Variants in TRIP10 observed in about 807,000 individuals in gnomAD.
TRIP10 encodes the protein thyroid hormone receptor interactor 10, also known as cdc42-interacting protein 4.
In TRIP10, 54 loss-of-function variants were observed where a neutral mutation model predicts 80.9. The observed-to-expected ratio is 0.67, with a 90% CI of 0.54 to 0.84. The LOEUF (loss-of-function observed/expected upper bound fraction) is 0.84. Among genes scored for constraint, TRIP10 ranks in the 40% least tolerant of loss-of-function variants. The pLI is 0.00. For missense variants in TRIP10, 773 were observed against 815.3 expected, an observed-to-expected ratio of 0.95 and a Z score of 0.63; for synonymous variants, 321 against 307.2, an observed-to-expected ratio of 1.04 and a Z score of -0.47.
rs1056253911 is a variant in TRIP10, at chr19:6,743,606, T to A, written c.513+8T>A. The stretch of plus-strand genomic sequence containing the variant: ...AAGGCTGATGTGGAGAAGGTGTGTG[T>A]GGCGGGGGCGGGGGGGGGGTGCGGG... On this transcript the variant is annotated splice_region_variant and intron_variant, in intron 6 of 14. Transcript: ENST00000313244. 4 of 372,480 alleles carry A rather than the reference T, an allele frequency of 1.1e-5. No individual in the cohort carries two copies. The highest frequency in any genetic ancestry group is 1.3e-5 in the Non-Finnish European group (3 of 228,878). The allele number at this position is 372,480 out of a possible 1,614,324, so 23.1% of individuals were successfully genotyped here. A position where few individuals can be genotyped will look rare whatever the true frequency, so the allele number is the denominator to read the frequency against.
Position 6,741,119 on chromosome 19 carries a change from A to T in TRIP10, c.134A>T (p.Gln45Leu). 1 of 1,614,172 alleles carries T rather than the reference A, an allele frequency of 6.2e-7. No homozygotes were observed. The highest frequency in any genetic ancestry group is 8.5e-7 in the Non-Finnish European group (1 of 1,180,016). The change falls in exon 2 of 15, where the codon CAA (glutamine) becomes CTA (leucine). Residue 45 changes from glutamine (Q) to leucine (L), a missense_variant. By Grantham distance (113) the Gln-to-Leu change is moderately radical. Transcript: ENST00000313244. ...GAAGTGGAACAGGCTTACGCCAAAC[A>T]ACTGCGGTGAGACCCTGGGGTGGAC... The part of the protein sequence containing the change: ...RTEVEQAYAK[Q>L]LRSLVKKYLP...
At position 6,743,051 on chromosome 19, in the gene TRIP10, C is replaced by A; in HGVS notation, c.282C>A (p.Leu94=). 6.2e-7 allele frequency: 1 copy of A among 1,614,162 alleles called. No homozygotes were observed. The highest frequency in any genetic ancestry group is 8.5e-7 in the Non-Finnish European group (1 of 1,180,036). ...AGQRELVAEN[L]SVRVCLELTK... ...AGCGGGAGCTGGTGGCTGAGAACCTCAGTGTCCGTGTATGTCTTGAGCTGA... is the reference window on the plus strand; with the variant it reads ...AGCGGGAGCTGGTGGCTGAGAACCTAAGTGTCCGTGTATGTCTTGAGCTGA... The change falls in exon 4 of 15, where the codon CTC becomes CTA. Residue 94 remains leucine (L), a synonymous_variant. Coordinates refer to ENST00000313244, the MANE Select transcript of TRIP10 (RefSeq NM_001288962.2).
Position 6,749,910 on chromosome 19 carries a change from T to G in TRIP10, c.1263-24T>G, listed in dbSNP as rs188315861. Reference sequence around the variant, plus strand: ...ACTCACACGGAAGTATGTTTTCCTGTCTATCCTGTCTCCCTTGTCATAGGG... The same window carrying G: ...ACTCACACGGAAGTATGTTTTCCTGGCTATCCTGTCTCCCTTGTCATAGGG... On this transcript the variant is annotated intron_variant, in intron 11 of 14. Transcript: ENST00000313244. 7.6e-4 allele frequency: 1,224 copies of G among 1,608,188 alleles called. 4 individuals are homozygous for G. Among genetic ancestry groups the G allele is most frequent in the Middle Eastern group, 6.3e-3 (38 of 6,026 alleles).
At chr19:6,750,199 C>T in intron 12 of TRIP10, 93 bp from the exon 13 acceptor site, 2 of 1,581,952 alleles carry the variant, frequency 1.3e-6, no homozygotes, top group Non-Finnish European at 1.7e-6. Flanking sequence ...ACAGCCTTGG[C>T]TGTGCGTGGG....
chr19:6,740,695 T>G, intron 1 of TRIP10: 18 of 282,724 alleles, frequency 6.4e-5, no homozygotes, highest in Non-Finnish European at 7.5e-5. Context: ...TCCGGGGGGA[T>G]TAGGGGAGCC....
In TRIP10 at chr19:6,744,535, C is replaced by T; in HGVS notation, c.643-19C>T. 1 of 1,613,740 alleles carries T rather than the reference C, an allele frequency of 6.2e-7. No homozygotes were observed. The highest frequency in any genetic ancestry group is 8.5e-7 in the Non-Finnish European group (1 of 1,179,966). On this transcript the variant is annotated intron_variant, in intron 7 of 14. Transcript: ENST00000313244. The surrounding 1 kb of genome is among the most constrained non-coding windows in gnomAD (Gnocchi z 4.9). ...CCTCTGTTAGCACCCCTGAGCCACC[C>T]TTGTCCCTGTCCTTACAGAAGCTCC...
rs1015198990 is a variant in TRIP10, at chr19:6,745,914, G to GCGTCCATC, written c.985-103_985-96dup. 3 of 1,230,798 alleles carry GCGTCCATC rather than the reference G, an allele frequency of 2.4e-6. No individual in the cohort carries two copies. The highest frequency in any genetic ancestry group is 6.4e-5 in the East Asian group (2 of 31,328). The allele number at this position is 1,230,798 out of a possible 1,614,324, so 76.2% of individuals were successfully genotyped here. ...TTTGTTTTTCCTTTTTCCTTTTTTTGCGTCCATCCGTCCATCCGTGCGTCC... is the reference window on the plus strand; with the variant it reads ...TTTGTTTTTCCTTTTTCCTTTTTTTGCGTCCATCCGTCCATCCGTCCATCCGTGCGTCC... On this transcript the variant is annotated intron_variant, in intron 9 of 14. Coordinates refer to ENST00000313244, the MANE Select transcript of TRIP10 (RefSeq NM_001288962.2). This position sits in a 1 kb window ranked among gnomAD's most constrained non-coding sequence, Gnocchi z 7.2.
chr19:6,742,996 T>C lies in TRIP10; in HGVS notation c.227T>C (p.Ile76Thr). Residue 76 changes from isoleucine to threonine, a missense_variant, in exon 4 of 15, where the codon ATT (isoleucine) becomes ACT (threonine). Transcript: ENST00000313244. ...KFSQQQSFVQ[I>T]LQEVNDFAGQ... Reference sequence around the variant, plus strand: ...AGCCAGCAACAGTCCTTCGTACAGATTCTCCAGGAGGTGAATGACTTTGCA... The same window carrying C: ...AGCCAGCAACAGTCCTTCGTACAGACTCTCCAGGAGGTGAATGACTTTGCA... 1 of 1,614,154 alleles carries C rather than the reference T, an allele frequency of 6.2e-7. No individual in the cohort carries two copies. Among genetic ancestry groups the C allele is most frequent in the Non-Finnish European group, 8.5e-7 (1 of 1,180,030 alleles).
chr19:6,740,977 T>G, intron 1 of TRIP10, 33 bp from the exon 2 acceptor site: 1 of 1,502,406 alleles, frequency 6.7e-7, no homozygotes, highest in Non-Finnish European at 9.2e-7. Context: ...CCCCGGCCCC[T>G]CTCCCCTCCT....
At position 6,743,826 on chromosome 19, in the gene TRIP10, A is replaced by C. The variant is rs1356148054; in HGVS notation, c.632A>C (p.Gln211Pro). The change falls in exon 7 of 15, where the codon CAG becomes CCG. Residue 211 changes from glutamine to proline, a missense_variant. Transcript: ENST00000313244. ...QAHFYFSQMPQIFDKLQDMDE... is the reference protein window; with the variant it reads ...QAHFYFSQMPPIFDKLQDMDE... ...CACTTCTATTTTTCACAGATGCCCC[A>C]GATATTCGATGTGAGTGCTCCCAGT... 1 of 1,613,690 alleles carries C rather than the reference A, an allele frequency of 6.2e-7. No homozygotes were observed. Among genetic ancestry groups the C allele is most frequent in the Admixed American group, 1.7e-5 (1 of 59,942 alleles).
At position 6,750,730 on chromosome 19, in the gene TRIP10, TCAGGCTTGTAATCC is replaced by T; in HGVS notation, c.1657+101_1657+114del. The T allele has an allele frequency of 2.0e-6, 3 of 1,529,166 alleles. No homozygotes were observed. In the South Asian group the frequency reaches 3.8e-5, roughly 19 times the overall value. The allele number at this position is 1,529,166 out of a possible 1,614,324, so 94.7% of individuals were successfully genotyped here. A position where few individuals can be genotyped will look rare whatever the true frequency, so the allele number is the denominator to read the frequency against. ...CCTAAAGCAGGGCTGGGCGGGTGGC[TCAGGCTTGTAATCC>T]CAGCACTTTGGGAAGCTGAGGCAGG... On this transcript the variant is annotated intron_variant, in intron 14 of 14. Transcript: ENST00000313244.
intron 3 of TRIP10, among the ~76,000 whole-genome samples, chr19:6,741,668 T>C (rs1381871069): frequency 1.3e-5 from 2 of 152,168 alleles, no homozygotes; most frequent in Admixed American, 6.5e-5. Flanking sequence ...TGAATGTGTT[T>C]AAACAGTGTG....
At position 6,745,392 on chromosome 19, in the gene TRIP10, T is replaced by C. The variant is rs889697281; in HGVS notation, c.984+398T>C. Among the ~76,000 whole-genome samples the C allele has an allele frequency of 6.6e-5, 10 of 152,146 alleles. No individual in the cohort carries two copies. The highest frequency in any genetic ancestry group is 2.4e-4 in the African/African-American group (10 of 41,410). On this transcript the variant is annotated intron_variant, in intron 9 of 14. Coordinates refer to ENST00000313244, the MANE Select transcript of TRIP10 (RefSeq NM_001288962.2). The surrounding 1 kb of genome is among the most constrained non-coding windows in gnomAD (Gnocchi z 7.2). ...TTTCTTGGGTTTTTGGATTTTAATA[T>C]ACCTTAGCACCCTTGGTTTATACCT...
chr19:6,751,398 C>A lies in TRIP10; in HGVS notation c.*187C>A. ...ACGGACCCGCTGTGCCTTCTACCAT[C>A]GTTCCACCATTGATGTACATACTCA... is the stretch of plus-strand genomic sequence containing the variant. On this transcript the variant is annotated 3_prime_UTR_variant, in exon 15 of 15. Transcript: ENST00000313244. 3.0e-6 allele frequency: 4 copies of A among 1,331,346 alleles called. No homozygotes were observed. The highest frequency in any genetic ancestry group is 1.9e-5 in the South Asian group (1 of 51,638). The allele number at this position is 1,331,346 out of a possible 1,614,324, so 82.5% of individuals were successfully genotyped here. A position where few individuals can be genotyped will look rare whatever the true frequency, so the allele number is the denominator to read the frequency against.
At chr19:6,741,411 G>GC in intron 3 of TRIP10, 130 bp downstream of exon 3, 1 of 1,067,782 alleles carries the variant, frequency 9.4e-7, no homozygotes, top group Non-Finnish European at 1.4e-6. Context: ...GAGCATGGAT[G>GC]CAAGATGCGG....
Position 6,746,323 on chromosome 19 carries a change from C to A in TRIP10, c.1152+127C>A. ...TCCCTGGTTGCCCAACCCAGACCTG[C>A]TTTGCTCTGTGCATGGCTTCGCTGT... On this transcript the variant is annotated intron_variant, in intron 10 of 14. Coordinates refer to ENST00000313244, the MANE Select transcript of TRIP10 (RefSeq NM_001288962.2). This position sits in a 1 kb window ranked among gnomAD's most constrained non-coding sequence, Gnocchi z 6.2. 1 of 1,518,192 alleles carries A rather than the reference C, an allele frequency of 6.6e-7. No individual in the cohort carries two copies. 94.0% of individuals were successfully genotyped at this position (1,518,192 alleles called of 1,614,324 possible).
In TRIP10 at chr19:6,745,514, C is replaced by G. The variant is rs982634821; in HGVS notation, c.985-515C>G. 8 of 953,870 alleles carry G rather than the reference C, an allele frequency of 8.4e-6. No homozygotes were observed. The highest frequency in any genetic ancestry group is 7.1e-5 in the African/African-American group (4 of 56,462). The allele number at this position is 953,870 out of a possible 1,614,324, so 59.1% of individuals were successfully genotyped here. On this transcript the variant is annotated intron_variant, in intron 9 of 14. Transcript: ENST00000313244. The surrounding 1 kb of genome is among the most constrained non-coding windows in gnomAD (Gnocchi z 7.2). ...GAGCTTAAACTTCTGATGCCCCTAACCCCTCTCATTTTCCTGCCTTCCACT... is the reference window on the plus strand; with the variant it reads ...GAGCTTAAACTTCTGATGCCCCTAAGCCCTCTCATTTTCCTGCCTTCCACT...
Position 6,745,201 on chromosome 19 carries a change from G to C in TRIP10, c.984+207G>C. 3.0e-6 allele frequency: 2 copies of C among 668,846 alleles called. No individual in the cohort carries two copies. The highest frequency in any genetic ancestry group is 4.8e-6 in the Non-Finnish European group (2 of 412,752). The allele number at this position is 668,846 out of a possible 1,614,324, so 41.4% of individuals were successfully genotyped here. A position where few individuals can be genotyped will look rare whatever the true frequency, so the allele number is the denominator to read the frequency against. Reference sequence around the variant, plus strand: ...GAAGGCGGGGGCAGGGTGGGGAGGTGGGGAGGTCCGTGGCGTTTGTCTGCT... The same window carrying C: ...GAAGGCGGGGGCAGGGTGGGGAGGTCGGGAGGTCCGTGGCGTTTGTCTGCT... On this transcript the variant is annotated intron_variant, in intron 9 of 14. Transcript: ENST00000313244. The surrounding 1 kb of genome is among the most constrained non-coding windows in gnomAD (Gnocchi z 7.2).
chr19:6,742,371 CAG>C (rs940005921), intron 3 of TRIP10, among the ~76,000 whole-genome samples: 51 of 152,102 alleles, frequency 3.4e-4, no homozygotes, highest in African/African-American at 1.2e-3. Flanking sequence ...GCCTGGGCGA[CAG>C]AGTGAGACTC....
Sources: allele counts gnomAD v4.1 joint callset (sites outside exome capture counted in the v4.1 genomes callset), GRCh38; gene constraint gnomAD v4.1.1; non-coding constraint Gnocchi (gnomAD v3.1); transcripts MANE v1.5; gene names NCBI Gene and HGNC (gene_info 2026-07-23, HGNC 2026-07-21).